The following DNAH5 variants were observed in gnomAD, a reference collection of about 807,000 sequenced individuals.
DNAH5 encodes dynein axonemal heavy chain 5.
In DNAH5, 372 loss-of-function variants were observed where a neutral mutation model predicts 518.2. The observed-to-expected ratio is 0.72, with a 90% CI of 0.66 to 0.78. DNAH5 has a LOEUF of 0.78. DNAH5 is among the 30% of genes least tolerant of loss of function. DNAH5 has a pLI of 0.00. For synonymous variants in DNAH5, 2,039 were observed against 2,025.9 expected, an observed-to-expected ratio of 1.01 and a Z score of -0.17; for missense variants, 5,523 against 5,687.0, an observed-to-expected ratio of 0.97 and a Z score of 0.93.
intron 77 of DNAH5, 23 bp downstream of exon 77, chr5:13,701,261 C>A (rs146789129): frequency 1.4e-5 from 23 of 1,613,604 alleles, no homozygotes; most frequent in African/African-American, 6.7e-5. Context: ...AATAACGCAA[C>A]GGGTGCAAAT....
chr5:13,786,477 AGT>A (rs1421462149), intron 51 of DNAH5, 126 bp from the exon 52 acceptor site: 1 of 1,020,166 alleles, frequency 9.8e-7, no homozygotes, highest in Admixed American at 2.1e-5. Flanking sequence ...TAAATGCCAT[AGT>A]GTGTATTTTG....
rs1038371027 is a variant in DNAH5, at chr5:13,692,212, T to A, written c.13724-77A>T. 14 of 1,518,146 alleles carry A rather than the reference T, an allele frequency of 9.2e-6. No homozygotes were observed. In the African/African-American group the frequency reaches 9.7e-5, roughly 10 times the overall value. 94.0% of individuals were successfully genotyped at this position (1,518,146 alleles called of 1,614,324 possible). ...CAAGGAGAATGCAGAGCCATGCTTC[T>A]GCATTCTGTAGGTCATTTCAAAAAC... is the stretch of plus-strand genomic sequence containing the variant. On this transcript the variant is annotated intron_variant, in intron 78 of 78. Transcript: ENST00000265104.
At chr5:13,739,942 A>G (rs1748186419) in intron 65 of DNAH5, among the ~76,000 whole-genome samples, 1 of 151,832 alleles carries the variant, frequency 6.6e-6, no homozygotes, top group Admixed American at 6.6e-5. Flanking sequence ...CCTCCTTTCA[A>G]CTCTCCACTT....
chr5:13,721,118 T>C lies in DNAH5; in HGVS notation c.12161A>G (p.Asp4054Gly). Residue 4054 changes from aspartate (D) to glycine (G), a missense_variant, in exon 71 of 79, where the codon GAC (aspartate) becomes GGC (glycine). Around this residue, in one of 3 missense-constraint regions of DNAH5, gnomAD observed 5,121 missense variants for 5,223.3 expected, o/e 0.98. Transcript: ENST00000265104. ...PLICLLSMGS[D>G]PTDSIIALGK... Reference sequence around the variant, plus strand: ...CAAGGCAATGATGGAATCTGTGGGGTCTGAGCCCATAGACAGGAGACAGAT... The same window carrying C: ...CAAGGCAATGATGGAATCTGTGGGGCCTGAGCCCATAGACAGGAGACAGAT... 6.2e-7 allele frequency: 1 copy of C among 1,614,022 alleles called. No homozygotes were observed. The highest frequency in any genetic ancestry group is 8.5e-7 in the Non-Finnish European group (1 of 1,179,986).
chr5:13,820,632 G>C, intron 40 of DNAH5, 133 bp from the exon 41 acceptor site: 1 of 1,010,004 alleles, frequency 9.9e-7, no homozygotes, highest in Non-Finnish European at 1.5e-6. Context: ...AGACCAGCCA[G>C]GCCAACATGG....
At chr5:13,945,448 T>C (rs1171379928), upstream of DNAH5, among the ~76,000 whole-genome samples, 1 of 152,212 alleles carries the variant, frequency 6.6e-6, no homozygotes, top group Admixed American at 6.5e-5. Context: ...GGCAGGGTGC[T>C]GACATGGTTT....
chr5:13,789,077 C>A lies in DNAH5; in HGVS notation c.8449-163G>T, dbSNP rs187336744. On this transcript the variant is annotated intron_variant, in intron 50 of 78. Transcript: ENST00000265104. ...AACTTCACTTCAAATTGTCCTCATT[C>A]AAGTATATTAAATAGAAAGTAGTCT... Among the ~76,000 whole-genome samples the A allele has an allele frequency of 1.4e-3, 219 of 152,200 alleles. 2 individuals are homozygous for A. The highest frequency in any genetic ancestry group is 5.2e-3 in the African/African-American group (214 of 41,518).
At chr5:13,721,325 A>G in intron 70 of DNAH5, 80 bp from the exon 71 acceptor site, 1 of 1,559,444 alleles carries the variant, frequency 6.4e-7, no homozygotes, top group African/African-American at 1.4e-5. Context: ...TCCAAAATTC[A>G]TTTTTGTAAT....
chr5:13,922,569 A>T (rs1345505742), intron 4 of DNAH5, among the ~76,000 whole-genome samples: 1 of 151,822 alleles, frequency 6.6e-6, no homozygotes, highest in Non-Finnish European at 1.5e-5. Flanking sequence ...TCTACTAAAC[A>T]TACAAAAATT....
At chr5:13,832,769 T>C (rs1247370462) in intron 35 of DNAH5, among the ~76,000 whole-genome samples, 1 of 152,194 alleles carries the variant, frequency 6.6e-6, no homozygotes, top group Non-Finnish European at 1.5e-5. Flanking sequence ...CATTCATTCT[T>C]ATCTGGTCCC....
chr5:13,935,731 C>T (rs956482522), intron 1 of DNAH5, among the ~76,000 whole-genome samples: 1 of 152,162 alleles, frequency 6.6e-6, no homozygotes, highest in Non-Finnish European at 1.5e-5. Context: ...CAGACCTAAC[C>T]CTGCAGCTTT....
chr5:13,778,834 G>A (rs1214586248), intron 53 of DNAH5, among the ~76,000 whole-genome samples: 1 of 152,180 alleles, frequency 6.6e-6, no homozygotes, highest in Non-Finnish European at 1.5e-5. Context: ...TGAAAGCTAT[G>A]AAAAGGAAAG....
Position 13,737,314 on chromosome 5 carries a change from T to C in DNAH5, c.11393A>G (p.Lys3798Arg). ...TTCTGTCTCAGCAGAAATTTCTAGC[T>C]TCTGTGTCACCTCCTCGGCTGTCCT... ...TKRTAEEVTQ[K>R]LEISAETEVQ... is the part of the protein sequence containing the mutation. The change falls in exon 66 of 79, where the codon AAG becomes AGG. Residue 3798 changes from lysine (K) to arginine (R), a missense_variant. Physicochemically the swap from Lys to Arg is conservative, Grantham distance 26. This residue lies in a region of DNAH5 where 5,121 missense variants were observed against 5,223.3 expected (regional missense o/e 0.98). Transcript: ENST00000265104. 6.2e-7 allele frequency: 1 copy of C among 1,614,180 alleles called. No homozygotes were observed. The highest frequency in any genetic ancestry group is 8.5e-7 in the Non-Finnish European group (1 of 1,180,010).
chr5:13,979,272 A>T (rs1782499976), intron 1 of DNAH5, among the ~76,000 whole-genome samples: 1 of 151,980 alleles, frequency 6.6e-6, no homozygotes, highest in South Asian at 2.1e-4. Context: ...CCTTATTCAA[A>T]ATTTCAATTC....
chr5:13,819,273 G>A (rs549208811), intron 41 of DNAH5, among the ~76,000 whole-genome samples: 1 of 152,318 alleles, frequency 6.6e-6, no homozygotes, highest in South Asian at 2.1e-4. Context: ...GATAAGTCCT[G>A]CAGGTTGGAG....
intron 66 of DNAH5, among the ~76,000 whole-genome samples, chr5:13,736,456 G>T (rs551371231): frequency 1.3e-5 from 2 of 152,096 alleles, no homozygotes; most frequent in Non-Finnish European, 2.9e-5. Context: ...GTACAGTGGC[G>T]TGATCTCGGC....
chr5:13,890,491 C>T (rs1773072393), intron 17 of DNAH5, among the ~76,000 whole-genome samples: 1 of 151,936 alleles, frequency 6.6e-6, no homozygotes, highest in Non-Finnish European at 1.5e-5. Context: ...TAAGCACAGT[C>T]TTTACCCTAA....
intron 12 of DNAH5, among the ~76,000 whole-genome samples, chr5:13,909,984 G>T (rs78516038): frequency 0.026 from 4,011 of 152,214 alleles, 184 homozygotes; most frequent in African/African-American, 0.09. Context: ...CCACATATAA[G>T]CTACAGAAGT....
rs113497829 is a variant in DNAH5 at position 13,875,950 on chromosome 5, T to C, written c.3396+734A>G. On this transcript the variant is annotated intron_variant, in intron 22 of 78. Coordinates refer to ENST00000265104, the MANE Select transcript of DNAH5 (RefSeq NM_001369.3). Reference sequence around the variant, plus strand: ...AACTCATTGTATCAAAACTGAGTAATAGAAAAAATGCACTTACTGAGCAAC... The same window carrying C: ...AACTCATTGTATCAAAACTGAGTAACAGAAAAAATGCACTTACTGAGCAAC... 9.8e-3 allele frequency among the ~76,000 whole-genome samples: 1,488 copies of C among 152,248 alleles called. 24 individuals carry two copies. The highest frequency in any genetic ancestry group is 0.033 in the African/African-American group (1,378 of 41,556).
Sources: allele counts gnomAD v4.1 joint callset (sites outside exome capture counted in the v4.1 genomes callset), GRCh38; gene constraint gnomAD v4.1.1; regional missense constraint gnomAD v4.1.1; transcripts MANE v1.5; gene names NCBI Gene and HGNC (gene_info 2026-07-23, HGNC 2026-07-21).